The following IGFL2 variants were observed in gnomAD, a reference collection of about 807,000 sequenced individuals.
IGFL2 encodes the protein insulin growth factor-like family member 2.
A neutral mutation model predicts 13.9 loss-of-function variants in IGFL2; 7 were observed. The ratio of observed to expected loss-of-function variants is 0.51; its 90% CI spans 0.29 to 0.95. The LOEUF (loss-of-function observed/expected upper bound fraction) is 0.95, where lower values mean the gene tolerates loss of function less well. Ranked by LOEUF, IGFL2 falls within the 40% of genes least tolerant of loss-of-function variation. The probability of loss-of-function intolerance (pLI) is 0.08; values close to 1 mark genes in which losing one functional copy is unlikely to be tolerated. For synonymous variants in IGFL2, 55 were observed against 55.8 expected (o/e 0.99, Z 0.07); for missense variants, 138 against 147.8 (o/e 0.93, Z 0.34).
chr19:46,173,987 C>T, the IGFL2 span: 1 of 152,324 alleles, frequency 6.6e-6, no homozygotes, highest in Middle Eastern at 3.4e-3. Flanking sequence ...GGGGTAAAGT[C>T]CTTTGGACTG....
the IGFL2 span, chr19:46,136,988 A>G: frequency 2.6e-6 from 4 of 1,532,784 alleles, no homozygotes; most frequent in South Asian, 4.5e-5. Context: ...GTCCCACACC[A>G]ACTGACTGGC....
chr19:46,196,573 C>T, the IGFL2 span, among the ~76,000 whole-genome samples: 17 of 152,320 alleles, frequency 1.1e-4, no homozygotes, highest in African/African-American at 4.1e-4. Context: ...CTTCCCTGCC[C>T]GACCCCAGCT....
At chr19:46,137,211 T>A in the IGFL2 span, 1 of 1,561,142 alleles carries the variant, frequency 6.4e-7, no homozygotes, top group Admixed American at 1.7e-5. Context: ...GTTTCAGAAA[T>A]CTTGGGCCCA....
At chr19:46,141,035 T>C, upstream of IGFL2, among the ~76,000 whole-genome samples, 1 of 152,220 alleles carries the variant, frequency 6.6e-6, no homozygotes, top group Non-Finnish European at 1.5e-5. Context: ...TTTACCAGAA[T>C]CTAAATTATT....
the IGFL2 span, among the ~76,000 whole-genome samples, chr19:46,093,381 C>T: frequency 6.6e-6 from 1 of 152,106 alleles, no homozygotes; most frequent in Non-Finnish European, 1.5e-5. Flanking sequence ...TCTCAGAAAA[C>T]TAGAAATATC....
chr19:46,107,141 C>A, the IGFL2 span, among the ~76,000 whole-genome samples: 1 of 152,162 alleles, frequency 6.6e-6, no homozygotes, highest in African/African-American at 2.4e-5. Context: ...GCCGTCAATA[C>A]CCACAACAGT....
chr19:46,155,895 C>A (rs1456435559), intron 1 of IGFL2, among the ~76,000 whole-genome samples: 3 of 152,080 alleles, frequency 2.0e-5, no homozygotes, highest in African/African-American at 7.2e-5. Flanking sequence ...TATGAAACTT[C>A]CTGATCTGTT....
chr19:46,086,143 C>T, the IGFL2 span, among the ~76,000 whole-genome samples: 1 of 151,914 alleles, frequency 6.6e-6, no homozygotes, highest in African/African-American at 2.4e-5. Flanking sequence ...ATGGATTCTT[C>T]AGTTCTAGAA....
At chr19:46,082,890 C>G in the IGFL2 span, among the ~76,000 whole-genome samples, 3 of 152,114 alleles carry the variant, frequency 2.0e-5, no homozygotes, top group African/African-American at 7.2e-5. Context: ...TAATTTTCCC[C>G]TGGGTGTGGG....
chr19:46,160,252 C>G, intron 1 of IGFL2, 163 bp from the exon 2 acceptor site: 1 of 650,700 alleles, frequency 1.5e-6, no homozygotes, highest in South Asian at 1.9e-5. Flanking sequence ...GCTGTCTGGA[C>G]TCTTAACTGT....
chr19:46,134,275 G>A, the IGFL2 span, among the ~76,000 whole-genome samples: 1 of 152,166 alleles, frequency 6.6e-6, no homozygotes, highest in Admixed American at 6.6e-5. Context: ...TGATCAGCAG[G>A]AATGTTGTAG....
the IGFL2 span, among the ~76,000 whole-genome samples, chr19:46,098,844 G>T: frequency 6.6e-6 from 1 of 152,162 alleles, no homozygotes. Flanking sequence ...ATATTGTTAT[G>T]TGTGTTTGAT....
At chr19:46,149,428 G>A (rs901655994) in intron 1 of IGFL2, among the ~76,000 whole-genome samples, 2 of 148,466 alleles carry the variant, frequency 1.3e-5, no homozygotes, top group African/African-American at 5.0e-5. Context: ...CCTCTCTCAA[G>A]TTGAAGGAAG....
chr19:46,208,431 G>A, the IGFL2 span: 1 of 152,146 alleles, frequency 6.6e-6, no homozygotes, highest in African/African-American at 2.4e-5. Context: ...TGGGAATGAG[G>A]CCAGGGCTGT....
At chr19:46,082,248 C>G in the IGFL2 span, among the ~76,000 whole-genome samples, 1 of 152,270 alleles carries the variant, frequency 6.6e-6, no homozygotes, top group African/African-American at 2.4e-5. Flanking sequence ...TTTACTATTA[C>G]TACTATCATT....
the IGFL2 span, among the ~76,000 whole-genome samples, chr19:46,088,872 A>G: frequency 0.013 from 2,052 of 152,348 alleles, 32 homozygotes; most frequent in Middle Eastern, 0.027. Flanking sequence ...CAAAACAAGG[A>G]TGTCCCAGAC....
At chr19:46,098,371 C>G in the IGFL2 span, among the ~76,000 whole-genome samples, 2 of 152,010 alleles carry the variant, frequency 1.3e-5, no homozygotes, top group South Asian at 4.1e-4. Context: ...TTCCTTCATC[C>G]CTTTATTTTG....
At chr19:46,169,573 A>C in the IGFL2 span, among the ~76,000 whole-genome samples, 1 of 152,152 alleles carries the variant, frequency 6.6e-6, no homozygotes, top group African/African-American at 2.4e-5. Flanking sequence ...TGGGTGAGCA[A>C]AGAATAATGC....
chr19:46,158,157 T>C (rs1471211591), intron 1 of IGFL2, among the ~76,000 whole-genome samples: 1 of 152,164 alleles, frequency 6.6e-6, no homozygotes, highest in Non-Finnish European at 1.5e-5. Flanking sequence ...TTTCATGGAT[T>C]GTAAAACTCA....
Sources: gnomAD v4.1 joint callset for allele counts (sites outside exome capture counted in the v4.1 genomes callset) on GRCh38, gnomAD v4.1.1 for gene constraint, MANE v1.5 for transcripts, NCBI Gene and HGNC (gene_info 2026-07-23, HGNC 2026-07-21) for gene names.